The following EXOC3L2 variants were observed in gnomAD, a reference collection of about 807,000 sequenced individuals.
EXOC3L2 encodes exocyst complex component 3-like protein 2.
In EXOC3L2, 17 loss-of-function variants were observed where a neutral mutation model predicts 44.4. The observed-to-expected ratio is 0.38, with a 90% CI of 0.26 to 0.57. The LOEUF is 0.57. Ranked by LOEUF, EXOC3L2 falls within the 20% of genes least tolerant of loss-of-function variation. The probability of loss-of-function intolerance (pLI) is 0.65; values close to 1 mark genes in which losing one functional copy is unlikely to be tolerated. For missense variants in EXOC3L2, 541 were observed against 588.4 expected (o/e 0.92, Z 0.83); for synonymous variants, 256 against 253.7 (o/e 1.01, Z -0.09).
intron 4 of EXOC3L2, 36 bp downstream of exon 4, chr19:45,231,727 G>C: frequency 6.4e-7 from 1 of 1,569,716 alleles, no homozygotes. Flanking sequence ...TCCCTCCACA[G>C]CACCTCCTGC....
At chr19:45,220,383 T>C (rs1051768851) in intron 8 of EXOC3L2, among the ~76,000 whole-genome samples, 1 of 151,660 alleles carries the variant, frequency 6.6e-6, no homozygotes, top group Non-Finnish European at 1.5e-5. Flanking sequence ...TGTGAGAGGA[T>C]CATGTAAGCC....
intron 8 of EXOC3L2, among the ~76,000 whole-genome samples, chr19:45,221,996 C>A (rs1969903537): frequency 6.6e-6 from 1 of 151,290 alleles, no homozygotes; most frequent in South Asian, 2.1e-4. Flanking sequence ...CATGAGGGAA[C>A]CCACATAATG....
At chr19:45,236,700 A>C (rs1599768336) in intron 2 of EXOC3L2, among the ~76,000 whole-genome samples, 1 of 152,038 alleles carries the variant, frequency 6.6e-6, no homozygotes, top group Non-Finnish European at 1.5e-5. Flanking sequence ...AATAGGACTG[A>C]ATAAGGAGGT....
At chr19:45,232,898 T>G (rs779012586) in intron 3 of EXOC3L2, among the ~76,000 whole-genome samples, 1 of 151,856 alleles carries the variant, frequency 6.6e-6, no homozygotes, top group Non-Finnish European at 1.5e-5. Context: ...GCCAACATGG[T>G]AAAACCCCGC....
Position 45,238,928 on chromosome 19 carries a change from C to T in EXOC3L2, c.118G>A (p.Ala40Thr). ...TTGGGGAGGGACCCCAGCTCCCCGG[C>T]CTCTTCTTCCTCCAGCCCTGAAACT... Reference protein sequence around the residue: ...EEVSGLEEEEAGELGSLPNGT... With the variant: ...EEVSGLEEEETGELGSLPNGT... Residue 40 changes from alanine (A) to threonine (T), a missense_variant, in exon 2 of 12, where the codon GCC becomes ACC. By Grantham distance (58) the Ala-to-Thr change is moderately conservative. Transcript: ENST00000413988. This position sits in a 1 kb window ranked among gnomAD's most constrained non-coding sequence, Gnocchi z 5.5. 1 of 399,234 alleles carries T rather than the reference C, an allele frequency of 2.5e-6. No individual in the cohort carries two copies. Among genetic ancestry groups the T allele is most frequent in the East Asian group, 3.6e-5 (1 of 28,078 alleles). 24.7% of individuals were successfully genotyped at this position (399,234 alleles called of 1,614,324 possible).
At position 45,239,543 on chromosome 19, in the gene EXOC3L2, G is replaced by A. The variant is rs184322416; in HGVS notation, c.-16-482C>T. Among the ~76,000 whole-genome samples, 521 of 124,966 alleles carry A rather than the reference G, an allele frequency of 4.2e-3. 2 individuals carry two copies. Among genetic ancestry groups the A allele is most frequent in the African/African-American group, 0.015 (499 of 32,934 alleles). The allele number at this position is 124,966 out of a possible 152,430, so 82.0% of individuals were successfully genotyped here. ...TTTTTTTTTTTTCTTTTGAGATGGAGTCTCACTCACTCTGTCACCCAGGCT... is the reference window on the plus strand; with the variant it reads ...TTTTTTTTTTTTCTTTTGAGATGGAATCTCACTCACTCTGTCACCCAGGCT... On this transcript the variant is annotated intron_variant, in intron 1 of 11. Coordinates refer to ENST00000413988, the MANE Select transcript of EXOC3L2 (RefSeq NM_001382422.1).
At chr19:45,225,045 G>T in intron 7 of EXOC3L2, 132 bp from the exon 8 acceptor site, 1 of 1,192,996 alleles carries the variant, frequency 8.4e-7, no homozygotes, top group Non-Finnish European at 1.1e-6. Context: ...AAAGGTCAGG[G>T]ACTCTGGAGA....
intron 1 of EXOC3L2, among the ~76,000 whole-genome samples, chr19:45,240,200 G>A (rs536483561): frequency 1.9e-4 from 28 of 151,084 alleles, no homozygotes; most frequent in Admixed American, 1.6e-3. Context: ...AAACTCCTGG[G>A]CTCAAATGAT....
At chr19:45,232,800 G>T (rs112225752) in intron 3 of EXOC3L2, among the ~76,000 whole-genome samples, 3 of 152,156 alleles carry the variant, frequency 2.0e-5, no homozygotes, top group Non-Finnish European at 4.4e-5. Flanking sequence ...AAACTGGCCC[G>T]GGCATGGTGG....
intron 7 of EXOC3L2, among the ~76,000 whole-genome samples, chr19:45,226,688 G>A (rs1018804638): frequency 5.3e-5 from 8 of 150,730 alleles, no homozygotes; most frequent in African/African-American, 1.5e-4. Flanking sequence ...TGCTCGCCTC[G>A]GCCTCCCAAA....
At chr19:45,227,918 C>T (rs1969983408) in intron 6 of EXOC3L2, 56 bp downstream of exon 6, 18 of 1,572,026 alleles carry the variant, frequency 1.1e-5, no homozygotes, top group Admixed American at 1.8e-5. Flanking sequence ...TATTGGATCC[C>T]AGGCCCTGAT....
rs1970107379 is a variant in EXOC3L2, at chr19:45,238,895, A to T, written c.151T>A (p.Ser51Thr). 1 of 398,968 alleles carries T rather than the reference A, an allele frequency of 2.5e-6. No homozygotes were observed. Among genetic ancestry groups the T allele is most frequent in the African/African-American group, 2.1e-5 (1 of 48,602 alleles). 24.7% of individuals were successfully genotyped at this position (398,968 alleles called of 1,614,324 possible). ...TCCAGGGTGGCGCGGCGGCGACAAG[A>T]TGTTCCATTGGGGAGGGACCCCAGC... ...GELGSLPNGT[S>T]CRRRATLEKL... Residue 51 changes from serine (S) to threonine (T), a missense_variant, in exon 2 of 12, where the codon TCT (serine) becomes ACT (threonine). Transcript: ENST00000413988. This position sits in a 1 kb window ranked among gnomAD's most constrained non-coding sequence, Gnocchi z 5.5.
intron 8 of EXOC3L2, among the ~76,000 whole-genome samples, chr19:45,223,235 A>G (rs1052611324): frequency 6.6e-6 from 1 of 152,180 alleles, no homozygotes. Context: ...TAAAAATACA[A>G]AAATTAGCAT....
intron 2 of EXOC3L2, among the ~76,000 whole-genome samples, chr19:45,236,869 G>A (rs1479592842): frequency 1.3e-5 from 2 of 151,926 alleles, no homozygotes; most frequent in Non-Finnish European, 2.9e-5. Flanking sequence ...GGCATGGATG[G>A]TGATGCATGC....
chr19:45,217,419 T>C, intron 10 of EXOC3L2, 109 bp downstream of exon 10: 3 of 1,310,856 alleles, frequency 2.3e-6, no homozygotes, highest in Non-Finnish European at 3.0e-6. Flanking sequence ...GGTGAGAGTT[T>C]CTGTCCTGAG....
chr19:45,244,496 C>T (rs1280783999), intron 1 of EXOC3L2, among the ~76,000 whole-genome samples: 2 of 152,108 alleles, frequency 1.3e-5, no homozygotes, highest in South Asian at 2.1e-4. Context: ...CTCCAACACC[C>T]GCCTCTGCAA....
intron 2 of EXOC3L2, among the ~76,000 whole-genome samples, chr19:45,235,416 T>G: frequency 6.7e-6 from 1 of 150,220 alleles, no homozygotes; most frequent in Non-Finnish European, 1.5e-5. Context: ...GGCGAGAAGG[T>G]TGAGAGAGGA....
rs376151016 is a variant in EXOC3L2, at chr19:45,216,082, G to C, written c.2111C>G (p.Pro704Arg). 6.2e-7 allele frequency: 1 copy of C among 1,613,790 alleles called. No homozygotes were observed. The highest frequency in any genetic ancestry group is 8.5e-7 in the Non-Finnish European group (1 of 1,179,882). The change falls in exon 11 of 12, where the codon CCA (proline) becomes CGA (arginine). Residue 704 changes from proline (P) to arginine (R), a missense_variant. Physicochemically the swap from Pro to Arg is moderately radical, Grantham distance 103 (BLOSUM62 -2). Transcript: ENST00000413988. ...VEVGVLVRDYPDIRQKHVAAL... is the reference protein window; with the variant it reads ...VEVGVLVRDYRDIRQKHVAAL... Reference sequence around the variant, plus strand: ...AGGCGGGGTGTCTCACCTGATGTCTGGGTAGTCGCGCACCAACACTCCCAC... The same window carrying C: ...AGGCGGGGTGTCTCACCTGATGTCTCGGTAGTCGCGCACCAACACTCCCAC...
intron 11 of EXOC3L2, among the ~76,000 whole-genome samples, chr19:45,213,744 A>C (rs1371721304): frequency 6.6e-6 from 1 of 151,882 alleles, no homozygotes; most frequent in Non-Finnish European, 1.5e-5. Context: ...CAGGAGTTCG[A>C]GACCAGCCTG....
Sources: allele counts gnomAD v4.1 joint callset (sites outside exome capture counted in the v4.1 genomes callset), GRCh38; gene constraint gnomAD v4.1.1; non-coding constraint Gnocchi (gnomAD v3.1); transcripts MANE v1.5; gene names NCBI Gene and HGNC (gene_info 2026-07-23, HGNC 2026-07-21).